The following KIDINS220 variants were observed in gnomAD, a reference collection of about 807,000 sequenced individuals.
KIDINS220 encodes kinase D interacting substrate 220.
Under a neutral mutation model 157.6 loss-of-function variants are expected in KIDINS220, and 63 were observed. The observed-to-expected ratio is 0.40, with a 90% confidence interval of 0.33 to 0.49. The LOEUF (loss-of-function observed/expected upper bound fraction) is 0.49. Ranked by LOEUF, KIDINS220 falls within the 20% of genes least tolerant of loss-of-function variation. KIDINS220 has a pLI of 0.66. For synonymous variants in KIDINS220, 732 were observed against 783.6 expected (o/e 0.93, Z 1.10); for missense variants, 1,772 against 2,171.2 (o/e 0.82, Z 3.65).
At chr2:8,787,219 T>C (rs1672534854) in intron 15 of KIDINS220, among the ~76,000 whole-genome samples, 1 of 152,180 alleles carries the variant, frequency 6.6e-6, no homozygotes, top group African/African-American at 2.4e-5. Flanking sequence ...TAAATCCTTT[T>C]CTTAATACTT....
Position 8,731,873 on chromosome 2 carries a change from C to T in KIDINS220, c.4163G>A (p.Arg1388Lys), listed in dbSNP as rs1005092698. The stretch of plus-strand genomic sequence containing the variant: ...CTGGGACATCTGAGCAATGTATTCT[C>T]TATAGGCATCTCTATACTCGGCCTG... ...KVQAEYRDAY[R>K]EYIAQMSQLE... Residue 1388 changes from arginine to lysine, a missense_variant, in exon 30 of 30, where the codon AGA (arginine) becomes AAA (lysine). Arg to Lys is a conservative substitution (Grantham distance 26). This residue lies in a region of KIDINS220 where 793 missense variants were observed against 885.5 expected (regional missense o/e 0.90). Transcript: ENST00000256707. This position sits in a 1 kb window ranked among gnomAD's most constrained non-coding sequence, Gnocchi z 5.2. 3 of 1,614,050 alleles carry T rather than the reference C, an allele frequency of 1.9e-6. No individual in the cohort carries two copies. Among genetic ancestry groups the T allele is most frequent in the Non-Finnish European group, 2.5e-6 (3 of 1,180,056 alleles).
At chr2:8,812,136 A>G (rs551662219) in intron 6 of KIDINS220, among the ~76,000 whole-genome samples, 4 of 152,342 alleles carry the variant, frequency 2.6e-5, no homozygotes, top group African/African-American at 4.8e-5. Context: ...ACTTCAAACA[A>G]TGAAGACAGG....
intron 27 of KIDINS220, 83 bp from the exon 28 acceptor site, chr2:8,734,836 T>A (rs1277011367): frequency 2.0e-6 from 2 of 997,156 alleles, no homozygotes; most frequent in South Asian, 3.2e-5. Context: ...AGTATGCTTA[T>A]ATTTAGTTTT....
chr2:8,814,684 T>A (rs1032817023), intron 4 of KIDINS220, among the ~76,000 whole-genome samples: 4 of 152,240 alleles, frequency 2.6e-5, no homozygotes, highest in Non-Finnish European at 5.9e-5. Flanking sequence ...TTAGTCAGAA[T>A]AAAGATATTT....
At chr2:8,782,090 G>A (rs1298993593) in intron 17 of KIDINS220, among the ~76,000 whole-genome samples, 1 of 151,560 alleles carries the variant, frequency 6.6e-6, no homozygotes, top group Non-Finnish European at 1.5e-5. Context: ...CTACAGCCTG[G>A]GCAACAGAGT....
At chr2:8,736,116 C>T (rs929615463) in intron 27 of KIDINS220, among the ~76,000 whole-genome samples, 1 of 152,170 alleles carries the variant, frequency 6.6e-6, no homozygotes, top group Non-Finnish European at 1.5e-5. Context: ...TACATATGCT[C>T]ATAATTCTTT....
chr2:8,778,370 G>A (rs927704729), intron 20 of KIDINS220, among the ~76,000 whole-genome samples: 1 of 152,184 alleles, frequency 6.6e-6, no homozygotes, highest in African/African-American at 2.4e-5. Context: ...AACCCTGGAT[G>A]AAATCATTTG....
At chr2:8,727,414 C>T (rs535539297), downstream of KIDINS220, 41 of 226,016 alleles carry the variant, frequency 1.8e-4, no homozygotes, top group African/African-American at 8.9e-4. Context: ...TAGTGCTTTT[C>T]CTGGTAGATA....
At chr2:8,808,596 T>C (rs1675844572) in intron 6 of KIDINS220, among the ~76,000 whole-genome samples, 1 of 152,240 alleles carries the variant, frequency 6.6e-6, no homozygotes, top group Non-Finnish European at 1.5e-5. Context: ...AAAACAGCTC[T>C]GCAGCCACAG....
intron 15 of KIDINS220, among the ~76,000 whole-genome samples, chr2:8,787,730 CTT>C (rs200876517): frequency 2.8e-5 from 4 of 144,112 alleles, no homozygotes; most frequent in Admixed American, 7.0e-5. Flanking sequence ...AACTTTCTAG[CTT>C]TTTTTTTTTT....
chr2:8,832,869 T>C (rs1340211550), intron 1 of KIDINS220, among the ~76,000 whole-genome samples: 1 of 152,004 alleles, frequency 6.6e-6, no homozygotes, highest in Non-Finnish European at 1.5e-5. Context: ...CATTATATCA[T>C]CCCAGGCTAG....
At chr2:8,782,721 A>C (rs1671874773) in intron 17 of KIDINS220, among the ~76,000 whole-genome samples, 2 of 152,238 alleles carry the variant, frequency 1.3e-5, no homozygotes, top group Non-Finnish European at 2.9e-5. Flanking sequence ...TCTTGACAAG[A>C]AAAGCAAACT....
rs753378693 is a variant in KIDINS220, at chr2:8,800,515, TAAAAAC to T, written c.802-23_802-18del. On this transcript the variant is annotated intron_variant, in intron 8 of 29. Coordinates refer to ENST00000256707, the MANE Select transcript of KIDINS220 (RefSeq NM_020738.4). The stretch of plus-strand genomic sequence containing the variant: ...ATCCCCACTCTAAGAAGACAGAAAA[TAAAAAC>T]AAAAACAAGGTAAATTGACAACAAA... 6.5e-7 allele frequency: 1 copy of T among 1,544,782 alleles called. No homozygotes were observed. The highest frequency in any genetic ancestry group is 1.2e-5 in the South Asian group (1 of 85,262).
At chr2:8,790,831 G>T (rs955519334) in intron 13 of KIDINS220, among the ~76,000 whole-genome samples, 3 of 152,074 alleles carry the variant, frequency 2.0e-5, no homozygotes, top group African/African-American at 7.2e-5. Context: ...TGAAGGGCCC[G>T]AAAAAAACTT....
intron 4 of KIDINS220, among the ~76,000 whole-genome samples, chr2:8,813,681 T>C (rs888677781): frequency 1.3e-5 from 2 of 152,206 alleles, no homozygotes; most frequent in Non-Finnish European, 2.9e-5. Flanking sequence ...CCCAGCACTG[T>C]GGGAGGCCAA....
intron 7 of KIDINS220, 38 bp downstream of exon 7, chr2:8,806,233 T>C: frequency 7.1e-7 from 1 of 1,409,420 alleles, no homozygotes; most frequent in Non-Finnish European, 9.9e-7. Context: ...ATAAAAAACA[T>C]GTTTCTATTG....
At chr2:8,746,379 T>C (rs2148027905) in intron 26 of KIDINS220, 1 of 152,198 alleles carries the variant, frequency 6.6e-6, no homozygotes, top group African/African-American at 2.4e-5. Context: ...GTGCTGGGAT[T>C]ACAGGTGTGA....
rs1302167055 is a variant in KIDINS220, at chr2:8,793,827, G to A, written c.1259C>T (p.Thr420Ile). 7 of 1,600,244 alleles carry A rather than the reference G, an allele frequency of 4.4e-6. No individual in the cohort carries two copies. The highest frequency in any genetic ancestry group is 5.1e-6 in the Non-Finnish European group (6 of 1,175,528). Reference sequence around the variant, plus strand: ...ATACTTACTGGCTCCAAATATTTGAGTTAAAATACTCTTCTGATGGCTACA... The same window carrying A: ...ATACTTACTGGCTCCAAATATTTGAATTAAAATACTCTTCTGATGGCTACA... ...IDCSHQKSIL[T>I]QIFGARHLSP... Residue 420 changes from threonine (T) to isoleucine (I), a missense_variant, in exon 12 of 30, where the codon ACT becomes ATT. Physicochemically the swap from Thr to Ile is moderately conservative, Grantham distance 89. Transcript: ENST00000256707.
At chr2:8,732,131 TAACAA>T in intron 29 of KIDINS220, 149 bp from the exon 30 acceptor site, 1 of 625,770 alleles carries the variant, frequency 1.6e-6, no homozygotes, top group Non-Finnish European at 2.4e-6. Context: ...TAACACAGAT[TAACAA>T]AAGCTGTGAC....
Sources: gnomAD v4.1 joint callset for allele counts (sites outside exome capture counted in the v4.1 genomes callset) on GRCh38, gnomAD v4.1.1 for gene constraint, gnomAD v4.1.1 regional missense constraint, Gnocchi (gnomAD v3.1) non-coding constraint, MANE v1.5 for transcripts, NCBI Gene and HGNC (gene_info 2026-07-23, HGNC 2026-07-21) for gene names.